The following RNF152 variants were observed in gnomAD, a reference collection of about 807,000 sequenced individuals.
The protein encoded by RNF152 is ring finger protein 152.
Under a neutral mutation model 12.7 loss-of-function variants are expected in RNF152, and 11 were observed. The observed-to-expected ratio is 0.86, with a 90% CI of 0.54 to 1.43. The LOEUF is 1.43. RNF152 is among the 40% of genes most tolerant of loss of function. The pLI, the probability that RNF152 is intolerant of heterozygous loss-of-function variation, is 0.00. For synonymous variants in RNF152, 113 were observed against 120.3 expected, an observed-to-expected ratio of 0.94 and a Z score of 0.40; for missense variants, 255 against 274.8, an observed-to-expected ratio of 0.93 and a Z score of 0.51.
rs772487156 is a variant in RNF152, at chr18:61,816,277, C to T, written c.187G>A (p.Gly63Ser). Residue 63 changes from glycine (G) to serine (S), a missense_variant, in exon 2 of 2, where the codon GGC (glycine) becomes AGC (serine). Coordinates refer to ENST00000312828, the MANE Select transcript of RNF152 (RefSeq NM_173557.3). ...WCRGVTKLPPGFSVSQLPDDP... is the reference protein window; with the variant it reads ...WCRGVTKLPPSFSVSQLPDDP... ...TCCGGGAGCTGCGACACGGAGAAGCCGGGAGGCAGCTTGGTGACACCGCGG... is the reference window on the plus strand; with the variant it reads ...TCCGGGAGCTGCGACACGGAGAAGCTGGGAGGCAGCTTGGTGACACCGCGG... The T allele has an allele frequency of 2.4e-5, 39 of 1,614,066 alleles. 1 individual carries two copies. Among genetic ancestry groups the T allele is most frequent in the East Asian group, 1.8e-4 (8 of 44,884 alleles).
chr18:61,822,498 C>T (rs538188696), intron 1 of RNF152, among the ~76,000 whole-genome samples: 7 of 152,082 alleles, frequency 4.6e-5, no homozygotes, highest in African/African-American at 1.4e-4. Flanking sequence ...ACAAAGTGCG[C>T]GCATTCATTT....
At chr18:61,877,459 C>G (rs1912262150) in intron 1 of RNF152, among the ~76,000 whole-genome samples, 1 of 152,108 alleles carries the variant, frequency 6.6e-6, no homozygotes. Flanking sequence ...TGTCACTGTT[C>G]CCAAAAAATG....
At position 61,880,994 on chromosome 18, in the gene RNF152, A is replaced by G. The variant is rs1479000245; in HGVS notation, c.-136+11801T>C. Reference sequence around the variant, plus strand: ...AGTGATGCAATCTCAGCTCACTGCAACCTCCGCCTCTGGGGTTCAAGCGAT... The same window carrying G: ...AGTGATGCAATCTCAGCTCACTGCAGCCTCCGCCTCTGGGGTTCAAGCGAT... On this transcript the variant is annotated intron_variant, in intron 1 of 1. Transcript: ENST00000312828. Among the ~76,000 whole-genome samples the G allele has an allele frequency of 4.7e-5, 7 of 149,956 alleles. No individual in the cohort carries two copies. In the Admixed American group the frequency reaches 4.7e-4, roughly 10 times the overall value.
At chr18:61,817,742 T>TAAA (rs397956442) in intron 1 of RNF152, among the ~76,000 whole-genome samples, 37,920 of 143,018 alleles carry the variant, frequency 0.27, 5,583 homozygotes, top group Non-Finnish European at 0.35. Context: ...TTCCTCATTG[T>TAAA]AAAAAAAAAA....
intron 1 of RNF152, among the ~76,000 whole-genome samples, chr18:61,838,583 C>T (rs764129014): frequency 2.0e-5 from 3 of 152,240 alleles, no homozygotes; most frequent in Middle Eastern, 6.8e-3. Context: ...CTGAAGTCCC[C>T]GGCAATCCTC....
At chr18:61,853,114 T>A (rs1181761858) in intron 1 of RNF152, among the ~76,000 whole-genome samples, 1 of 152,162 alleles carries the variant, frequency 6.6e-6, no homozygotes, top group African/African-American at 2.4e-5. Flanking sequence ...TAGGCAAGTT[T>A]ATTAGTTTCC....
chr18:61,851,106 A>C (rs1483693304), intron 1 of RNF152, among the ~76,000 whole-genome samples: 2 of 151,798 alleles, frequency 1.3e-5, no homozygotes, highest in East Asian at 3.9e-4. Context: ...AAAAAAAAAA[A>C]AACTTATGAT....
At chr18:61,872,192 C>T (rs1039796736) in intron 1 of RNF152, among the ~76,000 whole-genome samples, 4 of 152,142 alleles carry the variant, frequency 2.6e-5, no homozygotes, top group Admixed American at 2.0e-4. Flanking sequence ...AGAACTCTAT[C>T]AGGAGAACAG....
intron 1 of RNF152, among the ~76,000 whole-genome samples, chr18:61,844,090 G>T (rs1045732071): frequency 7.6e-5 from 7 of 91,816 alleles, no homozygotes; most frequent in African/African-American, 2.6e-4. Flanking sequence ...AAGAAAGAAA[G>T]AAAGAAAGAA....
rs111801758 is a variant in RNF152 at position 61,857,694 on chromosome 18, T to TAAACAAAC, written c.-136+35093_-136+35100dup. ...TATCCTCCAGGGACTCACCAGTCAT[T>TAAACAAAC]AAACAAACAAACAAACAAACAAACA... On this transcript the variant is annotated intron_variant, in intron 1 of 1. Transcript: ENST00000312828. Among the ~76,000 whole-genome samples the TAAACAAAC allele has an allele frequency of 1.2e-4, 18 of 151,964 alleles. No individual in the cohort carries two copies. The South Asian group carries it at 2.3e-3, about 19-fold the overall frequency.
intron 1 of RNF152, among the ~76,000 whole-genome samples, chr18:61,842,597 G>A (rs1910503104): frequency 6.6e-6 from 1 of 152,200 alleles, no homozygotes; most frequent in African/African-American, 2.4e-5. Context: ...TCATGAGTGA[G>A]TTTCTGTCTC....
At chr18:61,823,640 G>A (rs1304412521) in intron 1 of RNF152, among the ~76,000 whole-genome samples, 1 of 152,250 alleles carries the variant, frequency 6.6e-6, no homozygotes, top group East Asian at 1.9e-4. Context: ...ACAGGGAATA[G>A]GGCAGGCGAT....
rs73458428 is a variant in RNF152 at position 61,840,479 on chromosome 18, C to T, written c.-135-23881G>A. ...GGTGGGTATTCTGTCTCTAAGTGGT[C>T]CTTCTTCTCTTCACATTTTAGTCTG... On this transcript the variant is annotated intron_variant, in intron 1 of 1. Transcript: ENST00000312828. Among the ~76,000 whole-genome samples the T allele has an allele frequency of 2.5e-3, 377 of 152,244 alleles. 1 individual carries two copies. Among genetic ancestry groups the T allele is most frequent in the African/African-American group, 8.6e-3 (357 of 41,550 alleles).
intron 1 of RNF152, among the ~76,000 whole-genome samples, chr18:61,827,647 T>C (rs1909733134): frequency 6.6e-6 from 1 of 152,242 alleles, no homozygotes; most frequent in African/African-American, 2.4e-5. Flanking sequence ...CATTATTTTC[T>C]TTGAGCACAG....
At chr18:61,851,171 A>G (rs1017663254) in intron 1 of RNF152, among the ~76,000 whole-genome samples, 1 of 151,866 alleles carries the variant, frequency 6.6e-6, no homozygotes, top group African/African-American at 2.4e-5. Context: ...CTGACCCATC[A>G]GAAACAGACA....
chr18:61,857,730 G>A (rs1911289065), intron 1 of RNF152, among the ~76,000 whole-genome samples: 2 of 152,106 alleles, frequency 1.3e-5, no homozygotes, highest in African/African-American at 4.8e-5. Context: ...AACAAAAACT[G>A]TGGGCTTTTG....
intron 1 of RNF152, among the ~76,000 whole-genome samples, chr18:61,883,233 C>T (rs1177434287): frequency 6.6e-6 from 1 of 152,164 alleles, no homozygotes; most frequent in Non-Finnish European, 1.5e-5. Context: ...TAAATTGATG[C>T]CACCATTTCA....
intron 1 of RNF152, among the ~76,000 whole-genome samples, chr18:61,832,574 C>A (rs1381559440): frequency 6.6e-6 from 1 of 152,090 alleles, no homozygotes; most frequent in African/African-American, 2.4e-5. Context: ...GAAAAAAATT[C>A]TCAATAACTT....
chr18:61,823,729 C>T (rs750890695), intron 1 of RNF152, among the ~76,000 whole-genome samples: 4 of 152,236 alleles, frequency 2.6e-5, no homozygotes, highest in Non-Finnish European at 4.4e-5. Flanking sequence ...CTGGTTGAAC[C>T]AGACAAAAGC....
Sources: gnomAD v4.1 joint callset for allele counts (sites outside exome capture counted in the v4.1 genomes callset) on GRCh38, gnomAD v4.1.1 for gene constraint, MANE v1.5 for transcripts, NCBI Gene and HGNC (gene_info 2026-07-23, HGNC 2026-07-21) for gene names.